TMEM94: variants seen among roughly 807,000 people sequenced by gnomAD.
TMEM94 encodes ER Mg2+ ATPase.
Under a neutral mutation model 158.6 loss-of-function variants are expected in TMEM94, and 81 were observed. The ratio of observed to expected loss-of-function variants is 0.51; its 90% CI spans 0.43 to 0.61. The LOEUF is 0.61. Among genes scored for constraint, TMEM94 ranks in the 20% least tolerant of loss-of-function variants. TMEM94 has a pLI of 0.00. For synonymous variants in TMEM94, 751 were observed against 730.7 expected, an observed-to-expected ratio of 1.03 and a Z score of -0.45; for missense variants, 1,435 against 1,762.0, an observed-to-expected ratio of 0.81 and a Z score of 3.32.
At chr17:75,484,898 C>T (rs1260950094) in intron 2 of TMEM94, among the ~76,000 whole-genome samples, 1 of 151,960 alleles carries the variant, frequency 6.6e-6, no homozygotes, top group African/African-American at 2.4e-5. Flanking sequence ...ATTAGCCCGA[C>T]ATGGTGGTGT....
Position 75,463,138 on chromosome 17 carries a change from GTA to G in TMEM94, c.-107+6396_-107+6397del, listed in dbSNP as rs1217090382. On this transcript the variant is annotated intron_variant, in intron 1 of 31. Transcript: ENST00000314256. ...TATGTATATATATACGTGTATATAT[GTA>G]TATATATACACGTATATATATGTGT... 1.4e-3 allele frequency among the ~76,000 whole-genome samples: 79 copies of G among 56,128 alleles called. 9 individuals are homozygous for G. The highest frequency in any genetic ancestry group is 8.5e-3 in the African/African-American group (54 of 6,330). The allele number at this position is 56,128 out of a possible 152,430, so 36.8% of individuals were successfully genotyped here. A position where few individuals can be genotyped will look rare whatever the true frequency, so the allele number is the denominator to read the frequency against.
Position 75,497,112 on chromosome 17 carries a change from G to T in TMEM94, c.3322-1G>T. ...GGCTCTTGGCTTCTTTCCTGGTCTA[G>T]TTCCTTTCTTGCCTGGTCCAGCTGC... On this transcript the variant is annotated splice_acceptor_variant, in intron 25 of 31. Transcript: ENST00000314256. LOFTEE classifies it high-confidence loss of function. The T allele has an allele frequency of 6.2e-7, 1 of 1,613,824 alleles. No homozygotes were observed. Among genetic ancestry groups the T allele is most frequent in the Non-Finnish European group, 8.5e-7 (1 of 1,179,746 alleles).
Position 75,488,029 on chromosome 17 carries a change from C to T in TMEM94, c.507C>T (p.Tyr169=), listed in dbSNP as rs1190713695. The T allele has an allele frequency of 1.2e-6, 2 of 1,614,204 alleles. No individual in the cohort carries two copies. The highest frequency in any genetic ancestry group is 3.3e-5 in the Admixed American group (2 of 60,024). ...FAPSWSLHWA[Y]RDGHLVNLPV... is the part of the protein sequence containing the mutation. ...CATCCTGGTCCTTGCACTGGGCCTA[C>T]AGAGACGGACACCTGGTCAACCTGC... The change falls in exon 6 of 32, where the codon TAC becomes TAT. Residue 169 remains tyrosine, a synonymous_variant. Transcript: ENST00000314256.
In TMEM94 at chr17:75,499,647, GGATCCCTTGCCCCCTTGGA is replaced by G. The variant is rs536463427; in HGVS notation, c.*328_*346del. The stretch of plus-strand genomic sequence containing the variant: ...CTCACCTGTGAGCTACCCCCTTTAG[GGATCCCTTGCCCCCTTGGA>G]GATCCCTTGCCCCCCAGTGCCTCTG... On this transcript the variant is annotated 3_prime_UTR_variant, in exon 32 of 32. Coordinates refer to ENST00000314256, the MANE Select transcript of TMEM94 (RefSeq NM_014738.6). The G allele has an allele frequency of 9.3e-4, 316 of 340,866 alleles. 2 individuals are homozygous for G. Among genetic ancestry groups the G allele is most frequent in the South Asian group, 7.1e-3 (164 of 22,950 alleles). The allele number at this position is 340,866 out of a possible 1,614,324, so 21.1% of individuals were successfully genotyped here.
rs764262657 is a variant in TMEM94, at chr17:75,496,413, C to T, written c.3185C>T (p.Pro1062Leu). Residue 1062 changes from proline (P) to leucine (L), a missense_variant, in exon 24 of 32, where the codon CCC becomes CTC. Pro to Leu is a moderately conservative substitution (Grantham distance 98, BLOSUM62 -3). Transcript: ENST00000314256. Reference protein sequence around the residue: ...LQLSGQLNSLPCSLTFRQEET... With the variant: ...LQLSGQLNSLLCSLTFRQEET... The stretch of plus-strand genomic sequence containing the variant: ...CTGTCAGGGCAGCTCAACAGCCTGC[C>T]CTGTTCCCTGACCTTTCGCCAGGAG... The T allele has an allele frequency of 2.9e-5, 46 of 1,613,762 alleles. 1 individual carries two copies. In the Middle Eastern group the frequency reaches 6.6e-4, roughly 23 times the overall value.
intron 16 of TMEM94, 145 bp downstream of exon 16, chr17:75,493,247 A>C (rs191098744): frequency 5.1e-6 from 5 of 985,992 alleles, no homozygotes; most frequent in Non-Finnish European, 7.4e-6. Flanking sequence ...GCAGGGCTGG[A>C]ATTGGGGACC....
chr17:75,459,164 C>A (rs2049989438), intron 1 of TMEM94, among the ~76,000 whole-genome samples: 2 of 151,924 alleles, frequency 1.3e-5, no homozygotes. Context: ...CATTGCAAGT[C>A]TTAGCTGCTA....
rs1179680087 is a variant in TMEM94, at chr17:75,499,709, A to G, written c.*375A>G. On this transcript the variant is annotated 3_prime_UTR_variant, in exon 32 of 32. Transcript: ENST00000314256. ...TGCCTCTGCTCGTGGGTCCCTGGAC[A>G]CGGCCTTGAAGCCAACCTTCTTTGG... 4.7e-6 allele frequency: 1 copy of G among 211,906 alleles called. No homozygotes were observed. Among genetic ancestry groups the G allele is most frequent in the African/African-American group, 2.3e-5 (1 of 43,258 alleles). The allele number at this position is 211,906 out of a possible 1,614,324, so 13.1% of individuals were successfully genotyped here.
chr17:75,491,933 C>T lies in TMEM94; in HGVS notation c.1596+33C>T, dbSNP rs1440619280. On this transcript the variant is annotated intron_variant, in intron 14 of 31. Coordinates refer to ENST00000314256, the MANE Select transcript of TMEM94 (RefSeq NM_014738.6). This position sits in a 1 kb window ranked among gnomAD's most constrained non-coding sequence, Gnocchi z 5.1. ...GAGGGGGTGGCACGGGGCAGCCACACCCTCGGCCACAGGCTGTCCTGGCCT... is the reference window on the plus strand; with the variant it reads ...GAGGGGGTGGCACGGGGCAGCCACATCCTCGGCCACAGGCTGTCCTGGCCT... 6.3e-7 allele frequency: 1 copy of T among 1,578,302 alleles called. No individual in the cohort carries two copies. Among genetic ancestry groups the T allele is most frequent in the Non-Finnish European group, 8.6e-7 (1 of 1,160,672 alleles).
At chr17:75,497,253 T>A in intron 26 of TMEM94, 55 bp downstream of exon 26, 1 of 1,465,366 alleles carries the variant, frequency 6.8e-7, no homozygotes, top group Non-Finnish European at 9.6e-7. Context: ...GGTGTCTGGA[T>A]GTCACTGTGC....
At chr17:75,462,307 C>T (rs2146028577) in intron 1 of TMEM94, among the ~76,000 whole-genome samples, 1 of 152,130 alleles carries the variant, frequency 6.6e-6, no homozygotes, top group Admixed American at 6.5e-5. Flanking sequence ...TCCCAAAGTG[C>T]TGGGATTACA....
intron 1 of TMEM94, among the ~76,000 whole-genome samples, chr17:75,458,931 C>G (rs1598290826): frequency 6.6e-6 from 1 of 150,966 alleles, no homozygotes; most frequent in African/African-American, 2.4e-5. Flanking sequence ...GTGGCGGGTG[C>G]CTGTAGTCCC....
rs150333685 is a variant in TMEM94, at chr17:75,491,706, G to A, written c.1402G>A (p.Ala468Thr). Residue 468 changes from alanine to threonine, a missense_variant, in exon 14 of 32, where the codon GCC becomes ACC. This residue lies in a region of TMEM94 where 1,051 missense variants were observed against 1,254.4 expected (regional missense o/e 0.84). Coordinates refer to ENST00000314256, the MANE Select transcript of TMEM94 (RefSeq NM_014738.6). The surrounding 1 kb of genome is among the most constrained non-coding windows in gnomAD (Gnocchi z 5.1). ...FCHPEPHERD[A>T]LLAGSLNNTL... is the part of the protein sequence containing the mutation. Reference sequence around the variant, plus strand: ...TTCTCTTCAGCCCCATGAACGAGACGCCCTCCTGGCTGGCTCCCTGAACAA... The same window carrying A: ...TTCTCTTCAGCCCCATGAACGAGACACCCTCCTGGCTGGCTCCCTGAACAA... 1.5e-4 allele frequency: 245 copies of A among 1,613,918 alleles called. No individual in the cohort carries two copies. The highest frequency in any genetic ancestry group is 2.0e-4 in the Non-Finnish European group (233 of 1,180,032).
In TMEM94 at chr17:75,491,547, AG is replaced by A; in HGVS notation, c.1386+95del. ...CTGGCCAGGGAGGGTGAGGTTTCGG[AG>A]GGCGAAGGAGGGTTTGGGCACCATT... On this transcript the variant is annotated intron_variant, in intron 13 of 31. Transcript: ENST00000314256. The surrounding 1 kb of genome is among the most constrained non-coding windows in gnomAD (Gnocchi z 5.1). The A allele has an allele frequency of 6.3e-7, 1 of 1,588,544 alleles. No individual in the cohort carries two copies.
intron 2 of TMEM94, among the ~76,000 whole-genome samples, chr17:75,483,321 A>G (rs1213692001): frequency 6.6e-6 from 1 of 152,096 alleles, no homozygotes; most frequent in Non-Finnish European, 1.5e-5. Flanking sequence ...TGGAAAAGTT[A>G]GAGACAGTGT....
chr17:75,484,908 T>A (rs1311273094), intron 2 of TMEM94, among the ~76,000 whole-genome samples: 3 of 151,746 alleles, frequency 2.0e-5, no homozygotes, highest in African/African-American at 7.3e-5. Context: ...CATGGTGGTG[T>A]GTGCCTGTAA....
At position 75,499,691 on chromosome 17, in the gene TMEM94, G is replaced by C. The variant is rs1170905544; in HGVS notation, c.*357G>C. The C allele has an allele frequency of 8.3e-6, 2 of 241,590 alleles. No individual in the cohort carries two copies. Among genetic ancestry groups the C allele is most frequent in the Non-Finnish European group, 1.6e-5 (2 of 122,834 alleles). 15.0% of individuals were successfully genotyped at this position (241,590 alleles called of 1,614,324 possible). ...AGATCCCTTGCCCCCCAGTGCCTCTGCTCGTGGGTCCCTGGACACGGCCTT... is the reference window on the plus strand; with the variant it reads ...AGATCCCTTGCCCCCCAGTGCCTCTCCTCGTGGGTCCCTGGACACGGCCTT... On this transcript the variant is annotated 3_prime_UTR_variant, in exon 32 of 32. Coordinates refer to ENST00000314256, the MANE Select transcript of TMEM94 (RefSeq NM_014738.6).
chr17:75,461,359 C>G (rs1192884983), intron 1 of TMEM94, among the ~76,000 whole-genome samples: 1 of 151,998 alleles, frequency 6.6e-6, no homozygotes, highest in Non-Finnish European at 1.5e-5. Flanking sequence ...TTCGGCCTCC[C>G]AAAGTGCTGG....
At chr17:75,499,105 C>T (rs200160999) in intron 31 of TMEM94, 23 bp downstream of exon 31, 30 of 1,574,246 alleles carry the variant, frequency 1.9e-5, no homozygotes, top group Middle Eastern at 3.4e-4. Context: ...CAGGGCGCCT[C>T]CCTCTGGGCT....
Sources: allele counts gnomAD v4.1 joint callset (sites outside exome capture counted in the v4.1 genomes callset), GRCh38; gene constraint gnomAD v4.1.1; regional missense constraint gnomAD v4.1.1; non-coding constraint Gnocchi (gnomAD v3.1); transcripts MANE v1.5; gene names NCBI Gene and HGNC (gene_info 2026-07-23, HGNC 2026-07-21).